NCOA4: variants seen among roughly 807,000 people sequenced by gnomAD.
NCOA4 encodes nuclear receptor coactivator 4, also known as 70 kDa AR-activator.
In NCOA4, 31 loss-of-function variants were observed where a neutral mutation model predicts 69.5. The observed-to-expected ratio is 0.45, with a 90% confidence interval of 0.34 to 0.60. NCOA4 has a LOEUF of 0.60. Ranked by LOEUF, NCOA4 falls within the 20% of genes least tolerant of loss-of-function variation. The pLI is 0.02. For missense variants in NCOA4, 600 were observed against 719.2 expected, an observed-to-expected ratio of 0.83 and a Z score of 1.90; for synonymous variants, 228 against 252.4, an observed-to-expected ratio of 0.90 and a Z score of 0.92.
chr10:46,012,533 GA>G (rs570920930), intron 7 of NCOA4, among the ~76,000 whole-genome samples: 5 of 148,234 alleles, frequency 3.4e-5, no homozygotes, highest in Admixed American at 6.7e-5. Context: ...TTATCCTGGT[GA>G]AAAAAAAAAT....
At chr10:46,015,459 T>G (rs1373892263) in intron 2 of NCOA4, among the ~76,000 whole-genome samples, 193 bp from the exon 3 acceptor site, 1 of 152,160 alleles carries the variant, frequency 6.6e-6, no homozygotes, top group Non-Finnish European at 1.5e-5. Flanking sequence ...ACCTATAATT[T>G]CAGGGTTTAG....
At chr10:46,023,397 G>C (rs1302603689) in intron 1 of NCOA4, 2 of 985,622 alleles carry the variant, frequency 2.0e-6, no homozygotes, top group East Asian at 2.3e-4. Context: ...CCTGACCCGA[G>C]TGCGAAAGGT....
intron 1 of NCOA4, among the ~76,000 whole-genome samples, chr10:46,022,804 A>G (rs1590176640): frequency 6.6e-6 from 1 of 152,246 alleles, no homozygotes; most frequent in Non-Finnish European, 1.5e-5. Context: ...CTCAAGGATT[A>G]TATACATCTT....
intron 1 of NCOA4, chr10:46,022,316 T>A (rs900251498): frequency 6.8e-5 from 28 of 408,842 alleles, no homozygotes; most frequent in Non-Finnish European, 1.1e-4. Context: ...CTGAACAATT[T>A]GGTTATCTTT....
chr10:46,010,652 C>T lies in NCOA4; in HGVS notation c.1269G>A (p.Glu423=), dbSNP rs1371020315. The T allele has an allele frequency of 5.0e-6, 8 of 1,614,098 alleles. No homozygotes were observed. Among genetic ancestry groups the T allele is most frequent in the African/African-American group, 1.3e-5 (1 of 74,932 alleles). ...GAAGCCACTTATACAGAGCCTCCTTCTCACAATTCTCATCACACACACACT... is the reference window on the plus strand; with the variant it reads ...GAAGCCACTTATACAGAGCCTCCTTTTCACAATTCTCATCACACACACACT... The part of the protein sequence containing the change: ...FAECVCDENC[E]KEALYKWLLK... Residue 423 remains glutamate (E), a synonymous_variant, in exon 8 of 10, where the codon GAG becomes GAA. Transcript: ENST00000581486.
At position 46,005,917 on chromosome 10, in the gene NCOA4, T is replaced by C; in HGVS notation, c.*675A>G. The C allele has an allele frequency of 4.8e-6, 1 of 207,684 alleles. No homozygotes were observed. The highest frequency in any genetic ancestry group is 9.8e-6 in the Non-Finnish European group (1 of 101,850). The allele number at this position is 207,684 out of a possible 1,614,324, so 12.9% of individuals were successfully genotyped here. On this transcript the variant is annotated 3_prime_UTR_variant, in exon 10 of 10. Coordinates refer to ENST00000581486, the MANE Select transcript of NCOA4 (RefSeq NM_001145263.2). ...GTCTTGAAATAATACTGAGTCCTTC[T>C]AAAGAGCTCACTGGATATTTTAATA...
intron 9 of NCOA4, chr10:46,009,081 T>C (rs1207057517): frequency 1.6e-6 from 2 of 1,252,722 alleles, no homozygotes; most frequent in Admixed American, 2.1e-5. Context: ...GCTCTCTTTA[T>C]TGGGATATTT....
chr10:46,006,700 T>C, intron 9 of NCOA4, 103 bp from the exon 10 acceptor site: 2 of 1,023,812 alleles, frequency 2.0e-6, no homozygotes, highest in South Asian at 1.3e-5. Context: ...AGGTATACCC[T>C]TGTTACATTG....
rs1253718148 is a variant in NCOA4, at chr10:46,011,271, G to A, written c.715-65C>T. On this transcript the variant is annotated intron_variant, in intron 7 of 9. Transcript: ENST00000581486. ...TATGACTGCTTTGGAGATTCTGTCTGCACTTTTTCTTTTTTTGAGACAGTC... is the reference window on the plus strand; with the variant it reads ...TATGACTGCTTTGGAGATTCTGTCTACACTTTTTCTTTTTTTGAGACAGTC... The A allele has an allele frequency of 2.7e-6, 4 of 1,481,860 alleles. No homozygotes were observed. In the Admixed American group the frequency reaches 6.8e-5, roughly 25 times the overall value. 91.8% of individuals were successfully genotyped at this position (1,481,860 alleles called of 1,614,324 possible). A position where few individuals can be genotyped will look rare whatever the true frequency, so the allele number is the denominator to read the frequency against.
rs1175255684 is a variant in NCOA4, at chr10:46,009,406, C to A, written c.1839+5G>T. On this transcript the variant is annotated splice_donor_5th_base_variant and intron_variant, in intron 9 of 9. Coordinates refer to ENST00000581486, the MANE Select transcript of NCOA4 (RefSeq NM_001145263.2). The stretch of plus-strand genomic sequence containing the variant: ...CTAATTTTCATGCTGGTGGCATGTA[C>A]CCACCTGTAGAGGAGTTCGATATAA... The A allele has an allele frequency of 6.2e-7, 1 of 1,607,684 alleles. No individual in the cohort carries two copies. Among genetic ancestry groups the A allele is most frequent in the Non-Finnish European group, 8.5e-7 (1 of 1,177,954 alleles).
intron 1 of NCOA4, among the ~76,000 whole-genome samples, chr10:46,029,699 C>T (rs1554926166): frequency 6.6e-6 from 1 of 152,210 alleles, no homozygotes; most frequent in African/African-American, 2.4e-5. Flanking sequence ...AAATTCAGCA[C>T]TCTGACTTCT....
chr10:46,020,408 G>A (rs889204063), intron 1 of NCOA4, among the ~76,000 whole-genome samples: 2 of 152,288 alleles, frequency 1.3e-5, no homozygotes, highest in Admixed American at 6.5e-5. Flanking sequence ...TATGTCTACC[G>A]GCACTTAGCC....
intron 5 of NCOA4, among the ~76,000 whole-genome samples, chr10:46,013,868 A>T (rs1268131024): frequency 6.6e-6 from 1 of 152,168 alleles, no homozygotes; most frequent in Non-Finnish European, 1.5e-5. Context: ...TTTTAACAAG[A>T]CCCAAACGTT....
At chr10:46,026,718 C>T (rs1840171097) in intron 1 of NCOA4, among the ~76,000 whole-genome samples, 1 of 152,076 alleles carries the variant, frequency 6.6e-6, no homozygotes. Flanking sequence ...CTTTTGAAAG[C>T]TGAAATTGTC....
intron 1 of NCOA4, among the ~76,000 whole-genome samples, chr10:46,018,007 G>A (rs1312384471): frequency 6.6e-6 from 1 of 152,224 alleles, no homozygotes; most frequent in African/African-American, 2.4e-5. Context: ...ACAAAGGGAT[G>A]ACAGAAGACT....
intron 1 of NCOA4, among the ~76,000 whole-genome samples, chr10:46,023,819 T>C (rs542292630): frequency 6.6e-6 from 1 of 152,372 alleles, no homozygotes; most frequent in East Asian, 1.9e-4. Context: ...GTGACTATCA[T>C]GCTTATGGTA....
intron 1 of NCOA4, among the ~76,000 whole-genome samples, chr10:46,026,780 C>T (rs1554925574): frequency 6.6e-6 from 1 of 152,074 alleles, no homozygotes; most frequent in East Asian, 1.9e-4. Flanking sequence ...ACAACAAAAC[C>T]TTTTAACCTA....
At position 46,009,488 on chromosome 10, in the gene NCOA4, G is replaced by T. The variant is rs1402638712; in HGVS notation, c.1762C>A (p.Pro588Thr). 5.6e-6 allele frequency: 9 copies of T among 1,611,796 alleles called. No individual in the cohort carries two copies. Among genetic ancestry groups the T allele is most frequent in the Non-Finnish European group, 7.6e-6 (9 of 1,179,486 alleles). ...HNFPPDHYGLPAVCDLFACMQ... is the reference protein window; with the variant it reads ...HNFPPDHYGLTAVCDLFACMQ... ...CAGGCAAAGAGATCACAAACTGCAG[G>T]GAGGCCATAATGGTCTGGGGGGAAG... Residue 588 changes from proline (P) to threonine (T), a missense_variant, in exon 9 of 10, where the codon CCT becomes ACT. By Grantham distance (38) the Pro-to-Thr change is conservative. Coordinates refer to ENST00000581486, the MANE Select transcript of NCOA4 (RefSeq NM_001145263.2).
In NCOA4 at chr10:46,010,264, A is replaced by C. The variant is rs782473147; in HGVS notation, c.1657T>G (p.Ser553Ala). Residue 553 changes from serine to alanine, a missense_variant, in exon 8 of 10, where the codon TCT (serine) becomes GCT (alanine). Physicochemically the swap from Ser to Ala is moderately conservative, Grantham distance 99. Transcript: ENST00000581486. ...GKKMGNLSQLSSGEDKWLLRK... is the reference protein window; with the variant it reads ...GKKMGNLSQLASGEDKWLLRK... ...AGCAGCCACTTGTCTTCTCCAGAAG[A>C]TAACTGGCTGAGGTTGCCCATCTTC... 1 of 1,613,108 alleles carries C rather than the reference A, an allele frequency of 6.2e-7. No individual in the cohort carries two copies. The highest frequency in any genetic ancestry group is 8.5e-7 in the Non-Finnish European group (1 of 1,179,694).
Sources: gnomAD v4.1 joint callset for allele counts (sites outside exome capture counted in the v4.1 genomes callset) on GRCh38, gnomAD v4.1.1 for gene constraint, MANE v1.5 for transcripts, NCBI Gene and HGNC (gene_info 2026-07-23, HGNC 2026-07-21) for gene names.